RBFOX1: variants seen among roughly 807,000 people sequenced by gnomAD.
RBFOX1 encodes the protein RNA binding fox-1 homolog 1, also known as RNA binding protein fox-1 homolog 1.
A neutral mutation model predicts 57.7 loss-of-function variants in RBFOX1; 8 were observed. That is an observed-to-expected ratio of 0.14 (90% CI 0.08 to 0.25). The LOEUF is 0.25. Ranked by LOEUF, RBFOX1 falls within the 10% of genes least tolerant of loss-of-function variation. The pLI is 1.00. For synonymous variants in RBFOX1, 326 were observed against 222.4 expected (o/e 1.47, Z -4.15); for missense variants, 611 against 548.5 (o/e 1.11, Z -1.14).
intron 3 of RBFOX1, among the ~76,000 whole-genome samples, chr16:6,897,526 G>C (rs916313523): frequency 1.3e-5 from 2 of 152,362 alleles, no homozygotes; most frequent in African/African-American, 2.4e-5. Context: ...GGGTGCAGTG[G>C]CTCACGCCTG....
chr16:7,166,090 T>G (rs1226768199), intron 4 of RBFOX1, among the ~76,000 whole-genome samples: 1 of 152,122 alleles, frequency 6.6e-6, no homozygotes, highest in Non-Finnish European at 1.5e-5. Context: ...CTCAGCCCAC[T>G]GTAACTTCTG....
chr16:7,330,963 G>T (rs1447292846), intron 4 of RBFOX1, among the ~76,000 whole-genome samples: 1 of 152,260 alleles, frequency 6.6e-6, no homozygotes, highest in South Asian at 2.1e-4. Context: ...GTATCGGGCT[G>T]TTGAGTAAGA....
chr16:5,748,645 T>C (rs547489426), intron 3 of RBFOX1, among the ~76,000 whole-genome samples: 1 of 152,328 alleles, frequency 6.6e-6, no homozygotes, highest in East Asian at 1.9e-4. Context: ...TTGTCTCTTT[T>C]GATCTTTGTT....
chr16:7,157,030 A>G (rs970011697), intron 4 of RBFOX1, among the ~76,000 whole-genome samples: 17 of 152,324 alleles, frequency 1.1e-4, no homozygotes, highest in African/African-American at 4.1e-4. Flanking sequence ...GCTGAAGGAA[A>G]TTTACAAGGA....
intron 3 of RBFOX1, among the ~76,000 whole-genome samples, chr16:6,744,246 A>G (rs918388704): frequency 6.6e-6 from 1 of 152,140 alleles, no homozygotes; most frequent in African/African-American, 2.4e-5. Context: ...CTGGAAGGAG[A>G]AATAGCCAAA....
intron 4 of RBFOX1, among the ~76,000 whole-genome samples, chr16:7,269,972 C>A (rs115228028): frequency 1.4e-3 from 220 of 152,204 alleles, no homozygotes; most frequent in African/African-American, 5.0e-3. Flanking sequence ...TTGGTATTGC[C>A]CTGTTTAAAC....
chr16:6,708,890 C>T (rs949009371), intron 3 of RBFOX1, among the ~76,000 whole-genome samples: 1 of 152,254 alleles, frequency 6.6e-6, no homozygotes, highest in Admixed American at 6.5e-5. Context: ...TTTTCCTCTT[C>T]TCTGCTTCCC....
intron 3 of RBFOX1, among the ~76,000 whole-genome samples, chr16:5,693,509 C>T (rs1338632620): frequency 2.0e-5 from 3 of 151,418 alleles, no homozygotes; most frequent in South Asian, 2.1e-4. Flanking sequence ...ACTTGTGGAA[C>T]AAAAAAGGTT....
chr16:5,856,175 CTCTCTCTCTCTCTATA>C (rs1433982132), intron 3 of RBFOX1, among the ~76,000 whole-genome samples: 2 of 57,734 alleles, frequency 3.5e-5, no homozygotes, highest in Admixed American at 2.7e-4. Flanking sequence ...CTCTCTCTCT[CTCTCTCTCTCTCTATA>C]TATATATATA....
intron 3 of RBFOX1, among the ~76,000 whole-genome samples, chr16:6,820,535 T>C (rs1019746172): frequency 2.6e-5 from 4 of 152,066 alleles, no homozygotes; most frequent in Non-Finnish European, 4.4e-5. Flanking sequence ...GGCGTGCACC[T>C]ATAGTCTCAG....
chr16:7,325,918 G>C (rs1432773771), intron 4 of RBFOX1, among the ~76,000 whole-genome samples: 2 of 152,170 alleles, frequency 1.3e-5, no homozygotes, highest in Non-Finnish European at 2.9e-5. Context: ...GCTGGATGGA[G>C]TTTGAGTGCA....
chr16:6,642,245 G>A (rs543044222), intron 2 of RBFOX1, among the ~76,000 whole-genome samples: 2 of 152,230 alleles, frequency 1.3e-5, no homozygotes, highest in South Asian at 2.1e-4. Context: ...CTGACATCTC[G>A]AGAAGTATTC....
At chr16:5,407,834 C>G (rs921126122) in intron 1 of RBFOX1, among the ~76,000 whole-genome samples, 1 of 152,308 alleles carries the variant, frequency 6.6e-6, no homozygotes, top group East Asian at 1.9e-4. Flanking sequence ...CAGGCGTGAG[C>G]CACTGCACAT....
intron 14 of RBFOX1, among the ~76,000 whole-genome samples, chr16:7,698,474 C>G (rs1423158000): frequency 6.6e-6 from 1 of 152,034 alleles, no homozygotes; most frequent in Non-Finnish European, 1.5e-5. Flanking sequence ...GAAGCAAGTT[C>G]AGGGGTACAA....
intron 2 of RBFOX1, among the ~76,000 whole-genome samples, chr16:5,473,856 G>A (rs886354388): frequency 3.4e-5 from 5 of 149,094 alleles, no homozygotes; most frequent in Non-Finnish European, 5.9e-5. Flanking sequence ...ATGGATGGAA[G>A]GTAGATGGAT....
At chr16:5,887,144 G>A (rs1567671578) in intron 4 of RBFOX1, among the ~76,000 whole-genome samples, 2 of 152,158 alleles carry the variant, frequency 1.3e-5, no homozygotes, top group Admixed American at 6.5e-5. Flanking sequence ...GAGGTGAGGA[G>A]TAACTTGCTT....
At chr16:5,424,257 C>T (rs2067444348) in intron 1 of RBFOX1, among the ~76,000 whole-genome samples, 1 of 152,200 alleles carries the variant, frequency 6.6e-6, no homozygotes, top group Non-Finnish European at 1.5e-5. Flanking sequence ...GACAGCGCCA[C>T]CTAATTTTGA....
chr16:6,763,130 T>C (rs191547310), intron 3 of RBFOX1, among the ~76,000 whole-genome samples: 2 of 152,342 alleles, frequency 1.3e-5, no homozygotes, highest in East Asian at 1.9e-4. Flanking sequence ...ACCTCTAAAA[T>C]GAGTTTTTTC....
At chr16:6,162,730 G>C (rs747456687) in intron 1 of RBFOX1, among the ~76,000 whole-genome samples, 4 of 151,994 alleles carry the variant, frequency 2.6e-5, no homozygotes, top group Non-Finnish European at 5.9e-5. Flanking sequence ...ATGTGCTTTT[G>C]CCTTTGTGTG....
Sources: gnomAD v4.1 joint callset for allele counts (sites outside exome capture counted in the v4.1 genomes callset) on GRCh38, gnomAD v4.1.1 for gene constraint, MANE v1.5 for transcripts, NCBI Gene and HGNC (gene_info 2026-07-23, HGNC 2026-07-21) for gene names.